Variants in LSAMP observed in about 807,000 individuals in gnomAD.
LSAMP encodes the protein limbic system-associated membrane protein.
LSAMP carries 7 observed loss-of-function variants against 38.6 expected under a neutral mutation model. The observed-to-expected ratio is 0.18, with a 90% CI of 0.10 to 0.34. LSAMP has a LOEUF of 0.34. LSAMP is among the 10% of genes least tolerant of loss of function. The pLI is 1.00. For missense variants in LSAMP, 313 were observed against 420.0 expected (o/e 0.75, Z 2.23); for synonymous variants, 154 against 166.8 (o/e 0.92, Z 0.59).
intron 2 of LSAMP, among the ~76,000 whole-genome samples, chr3:116,081,515 A>G (rs2107410662): frequency 6.6e-6 from 1 of 152,248 alleles, no homozygotes; most frequent in Non-Finnish European, 1.5e-5. Context: ...TTTAAAGGGC[A>G]TCTAGAGACA....
At position 116,367,503 on chromosome 3, in the gene LSAMP, T is replaced by A. The variant is rs568017413; in HGVS notation, c.155+77374A>T. On this transcript the variant is annotated intron_variant, in intron 1 of 6. Transcript: ENST00000490035. ...TTACATTTATTTTCTTCCTTTTTTTTTTTTTTTTGTCCTTTTTTGAGACAG... is the reference window on the plus strand; with the variant it reads ...TTACATTTATTTTCTTCCTTTTTTTATTTTTTTTGTCCTTTTTTGAGACAG... 3.1e-3 allele frequency among the ~76,000 whole-genome samples: 471 copies of A among 151,494 alleles called. 6 individuals carry two copies. The highest frequency in any genetic ancestry group is 0.014 in the South Asian group (66 of 4,800).
intron 2 of LSAMP, among the ~76,000 whole-genome samples, chr3:116,064,392 G>A (rs758370448): frequency 4.6e-5 from 7 of 151,630 alleles, no homozygotes; most frequent in African/African-American, 7.3e-5. Context: ...GTGGATGCCT[G>A]TAATCCCAGC....
intron 2 of LSAMP, among the ~76,000 whole-genome samples, chr3:116,082,450 C>A (rs1707890976): frequency 6.6e-6 from 1 of 152,126 alleles, no homozygotes; most frequent in South Asian, 2.1e-4. Context: ...AATTCTGATT[C>A]CATTGTTCTG....
At chr3:116,307,090 G>A (rs2047494156) in intron 1 of LSAMP, among the ~76,000 whole-genome samples, 1 of 151,980 alleles carries the variant, frequency 6.6e-6, no homozygotes, top group Admixed American at 6.6e-5. Context: ...AATCGGTATG[G>A]GTGAAGTGAA....
chr3:116,097,089 T>A (rs1355856446), intron 1 of LSAMP, among the ~76,000 whole-genome samples: 3 of 152,210 alleles, frequency 2.0e-5, no homozygotes, highest in Non-Finnish European at 4.4e-5. Context: ...AGTCTTGGAA[T>A]TCTGGCTCAG....
intron 1 of LSAMP, among the ~76,000 whole-genome samples, chr3:116,322,477 G>A (rs1292097997): frequency 6.6e-6 from 1 of 152,090 alleles, no homozygotes; most frequent in Non-Finnish European, 1.5e-5. Context: ...AAATGTTAGT[G>A]ATAGATAGAT....
At chr3:116,289,529 G>T (rs960769467) in intron 1 of LSAMP, among the ~76,000 whole-genome samples, 2 of 152,078 alleles carry the variant, frequency 1.3e-5, no homozygotes, top group African/African-American at 4.8e-5. Flanking sequence ...TGCAAAGGCT[G>T]CTGAGGACCC....
At chr3:115,851,340 T>A (rs1935325127) in intron 4 of LSAMP, among the ~76,000 whole-genome samples, 1 of 152,190 alleles carries the variant, frequency 6.6e-6, no homozygotes, top group Admixed American at 6.5e-5. Flanking sequence ...CTTATCTTCC[T>A]CCTGAGAGTG....
At chr3:115,930,209 C>A (rs1937560151) in intron 3 of LSAMP, among the ~76,000 whole-genome samples, 1 of 151,750 alleles carries the variant, frequency 6.6e-6, no homozygotes, top group Non-Finnish European at 1.5e-5. Flanking sequence ...ATTGAATTAC[C>A]AAAATAACCT....
chr3:116,260,334 G>T (rs2046808510), intron 1 of LSAMP, among the ~76,000 whole-genome samples: 2 of 151,896 alleles, frequency 1.3e-5, no homozygotes, highest in South Asian at 4.1e-4. Flanking sequence ...AGTAAAAGCA[G>T]ATTTATTAAA....
rs564405212 is a variant in LSAMP, at chr3:116,290,485, A to C, written c.155+154392T>G. On this transcript the variant is annotated intron_variant, in intron 1 of 6. Coordinates refer to ENST00000490035, the MANE Select transcript of LSAMP (RefSeq NM_002338.5). ...AGTGGCTCACGTCTGTAATCCCAGC[A>C]CTTTGGGAGGCCGAGGCAGGCAGAT... 9.2e-5 allele frequency among the ~76,000 whole-genome samples: 14 copies of C among 152,118 alleles called. No individual in the cohort carries two copies. In the East Asian group the frequency reaches 2.7e-3, roughly 30 times the overall value.
chr3:116,241,948 C>T (rs1211640717), intron 1 of LSAMP, among the ~76,000 whole-genome samples: 1 of 152,206 alleles, frequency 6.6e-6, no homozygotes, highest in African/African-American at 2.4e-5. Context: ...TTACATATCA[C>T]TTTTGGTTAC....
chr3:116,087,634 C>T (rs1307738955), intron 1 of LSAMP, among the ~76,000 whole-genome samples: 3 of 152,158 alleles, frequency 2.0e-5, no homozygotes, highest in African/African-American at 7.2e-5. Flanking sequence ...AGCACCACAG[C>T]AGGACTATTA....
intron 2 of LSAMP, among the ~76,000 whole-genome samples, chr3:116,064,307 C>T (rs145671255): frequency 9.2e-5 from 14 of 152,098 alleles, no homozygotes; most frequent in African/African-American, 3.1e-4. Context: ...AGGCATATCA[C>T]CTAAGGTCAG....
chr3:115,924,033 T>A (rs1050082865), intron 3 of LSAMP, among the ~76,000 whole-genome samples: 1 of 152,184 alleles, frequency 6.6e-6, no homozygotes, highest in African/African-American at 2.4e-5. Flanking sequence ...GCTTATTAAA[T>A]GTTTACTGAG....
intron 1 of LSAMP, among the ~76,000 whole-genome samples, chr3:116,355,249 T>TA (rs1195422077): frequency 6.6e-6 from 1 of 152,222 alleles, no homozygotes; most frequent in South Asian, 2.1e-4. Flanking sequence ...ATTCTTTTCT[T>TA]AAAAAAATAA....
chr3:115,966,645 TA>T (rs1387192484), intron 3 of LSAMP, among the ~76,000 whole-genome samples: 3 of 152,332 alleles, frequency 2.0e-5, no homozygotes, highest in African/African-American at 7.2e-5. Context: ...GAAGAATAGT[TA>T]ATTTCATTAT....
intron 1 of LSAMP, among the ~76,000 whole-genome samples, chr3:116,200,987 T>A: frequency 6.6e-6 from 1 of 152,186 alleles, no homozygotes; most frequent in East Asian, 1.9e-4. Context: ...TATGGAGCTC[T>A]GACAGCCACA....
intron 1 of LSAMP, among the ~76,000 whole-genome samples, chr3:116,160,423 G>A (rs183181534): frequency 5.1e-4 from 77 of 149,872 alleles, no homozygotes; most frequent in Non-Finnish European, 9.5e-4. Context: ...AGAGAGGGAG[G>A]GAGGGAGGGA....
Sources: gnomAD v4.1 joint callset for allele counts (sites outside exome capture counted in the v4.1 genomes callset) on GRCh38, gnomAD v4.1.1 for gene constraint, MANE v1.5 for transcripts, NCBI Gene and HGNC (gene_info 2026-07-23, HGNC 2026-07-21) for gene names.